The following MYO16 variants were observed in gnomAD, a reference collection of about 807,000 sequenced individuals.
MYO16 encodes the protein myosin XVI.
Under a neutral mutation model 205.3 loss-of-function variants are expected in MYO16, and 94 were observed. The ratio of observed to expected loss-of-function variants is 0.46; its 90% confidence interval spans 0.39 to 0.54. The LOEUF (loss-of-function observed/expected upper bound fraction) is 0.54, where lower values mean the gene tolerates loss of function less well. Among genes scored for constraint, MYO16 ranks in the 20% least tolerant of loss-of-function variants. The probability of loss-of-function intolerance (pLI) is 0.00; values close to 1 mark genes in which losing one functional copy is unlikely to be tolerated. For synonymous variants in MYO16, 988 were observed against 954.0 expected (o/e 1.04, Z -0.66); for missense variants, 2,315 against 2,387.5 (o/e 0.97, Z 0.63).
chr13:108,584,860 A>G, the MYO16 span, among the ~76,000 whole-genome samples: 164 of 152,362 alleles, frequency 1.1e-3, 2 homozygotes, highest in East Asian at 0.029. Flanking sequence ...TTTTTACAGA[A>G]TAATTATAAA....
At chr13:108,754,257 A>AGTAGCATGAAAGACAAGCT (rs1885348632) in intron 4 of MYO16, among the ~76,000 whole-genome samples, 1 of 150,948 alleles carries the variant, frequency 6.6e-6, no homozygotes, top group Admixed American at 6.6e-5. Context: ...CAGGACAAGC[A>AGTAGCATGAAAGACAAGCT]GTAGCATGAA....
At chr13:108,959,200 C>T (rs1478605380) in intron 17 of MYO16, among the ~76,000 whole-genome samples, 1 of 152,162 alleles carries the variant, frequency 6.6e-6, no homozygotes, top group African/African-American at 2.4e-5. Flanking sequence ...CTTTTTGGCT[C>T]TGATTACCCG....
the MYO16 span, among the ~76,000 whole-genome samples, chr13:108,509,464 T>C: frequency 6.6e-6 from 1 of 152,230 alleles, no homozygotes; most frequent in African/African-American, 2.4e-5. Flanking sequence ...GACTGTCGGA[T>C]TGTGTATACA....
the MYO16 span, among the ~76,000 whole-genome samples, chr13:108,518,734 G>C: frequency 6.6e-6 from 1 of 152,152 alleles, no homozygotes. Flanking sequence ...TAAAAAAAAT[G>C]TTGGGCAAAA....
chr13:109,062,147 A>C (rs1393018427), intron 27 of MYO16, among the ~76,000 whole-genome samples: 2 of 152,200 alleles, frequency 1.3e-5, no homozygotes, highest in Non-Finnish European at 2.9e-5. Context: ...TATATTTCCA[A>C]GTCAGTTTTA....
chr13:108,564,599 T>C, the MYO16 span, among the ~76,000 whole-genome samples: 1 of 152,198 alleles, frequency 6.6e-6, no homozygotes, highest in Admixed American at 6.5e-5. Flanking sequence ...ATTCTATGGG[T>C]TGTCTCTCCA....
intron 2 of MYO16, among the ~76,000 whole-genome samples, chr13:108,666,436 A>G (rs1594190768): frequency 6.6e-6 from 1 of 151,774 alleles, no homozygotes. Context: ...TTCCTTTCCA[A>G]TTGTTTAATT....
the MYO16 span, among the ~76,000 whole-genome samples, chr13:108,540,236 A>C: frequency 6.6e-6 from 1 of 152,300 alleles, no homozygotes; most frequent in African/African-American, 2.4e-5. Context: ...TATTCATGCC[A>C]TGAGCAATGT....
chr13:108,782,685 C>T (rs1049330565), intron 4 of MYO16, among the ~76,000 whole-genome samples: 2 of 152,238 alleles, frequency 1.3e-5, no homozygotes, highest in East Asian at 1.9e-4. Flanking sequence ...TTTCATGGGC[C>T]AGGCACAGGG....
intron 2 of MYO16, among the ~76,000 whole-genome samples, chr13:108,676,372 C>CGTGTGTGTGTGTGTGT (rs35790433): frequency 1.6e-4 from 21 of 131,758 alleles, no homozygotes; most frequent in South Asian, 5.1e-4. Context: ...TATATGTACG[C>CGTGTGTGTGTGTGTGT]GTGTGTGTGT....
intron 14 of MYO16, among the ~76,000 whole-genome samples, chr13:108,896,083 A>G (rs1880399970): frequency 6.6e-6 from 1 of 152,084 alleles, no homozygotes; most frequent in Non-Finnish European, 1.5e-5. Context: ...GCATTTAACC[A>G]TTTCCCTATA....
chr13:109,004,993 A>T (rs74882726), intron 21 of MYO16, among the ~76,000 whole-genome samples: 6,431 of 152,322 alleles, frequency 0.042, 204 homozygotes, highest in Non-Finnish European at 0.065. Context: ...TTAAAGGTTT[A>T]AAAGGTAAAG....
chr13:108,836,817 C>T (rs1230869667), intron 9 of MYO16, among the ~76,000 whole-genome samples: 3 of 152,122 alleles, frequency 2.0e-5, no homozygotes, highest in Non-Finnish European at 4.4e-5. Flanking sequence ...GGGTTATTTA[C>T]CCAATGCCTG....
intron 4 of MYO16, among the ~76,000 whole-genome samples, chr13:108,770,659 T>C (rs1209797118): frequency 1.3e-5 from 2 of 152,180 alleles, no homozygotes; most frequent in African/African-American, 4.8e-5. Context: ...ACTGAGGAAA[T>C]AATGTATTTA....
chr13:108,594,439 A>G (rs1329525626), upstream of MYO16, among the ~76,000 whole-genome samples: 2 of 152,064 alleles, frequency 1.3e-5, no homozygotes, highest in African/African-American at 4.8e-5. Flanking sequence ...CTCCTTCACA[A>G]TGCCTGCTTC....
chr13:108,938,612 TG>T (rs1882591263), intron 16 of MYO16, among the ~76,000 whole-genome samples: 1 of 152,216 alleles, frequency 6.6e-6, no homozygotes, highest in African/African-American at 2.4e-5. Context: ...TCCAGATGCC[TG>T]GAGATCTGCC....
intron 16 of MYO16, among the ~76,000 whole-genome samples, chr13:108,940,700 G>A (rs954369996): frequency 3.3e-5 from 5 of 152,286 alleles, no homozygotes; most frequent in Admixed American, 2.0e-4. Context: ...GGATTAAAAA[G>A]CAAGTCTTTA....
chr13:109,187,751 A>C (rs905294728), intron 34 of MYO16, among the ~76,000 whole-genome samples: 2 of 152,340 alleles, frequency 1.3e-5, no homozygotes, highest in Middle Eastern at 3.4e-3. Context: ...AAATGTACTA[A>C]AATGTTTTTA....
rs1888419398 is a variant in MYO16 at position 109,085,726 on chromosome 13, A to G, written c.3336-15059A>G. Among the ~76,000 whole-genome samples, 2 of 152,206 alleles carry G rather than the reference A, an allele frequency of 1.3e-5. 1 individual carries two copies. The highest frequency in any genetic ancestry group is 3.8e-4 in the East Asian group (2 of 5,196). On this transcript the variant is annotated intron_variant, in intron 27 of 34. Coordinates refer to ENST00000457511, the MANE Select transcript of MYO16 (RefSeq NM_001198950.3). Reference sequence around the variant, plus strand: ...CCAAGAAGCAGATGCTGAGGAGCACATACGCTTAGTGGGAGTGTGGACAGA... The same window carrying G: ...CCAAGAAGCAGATGCTGAGGAGCACGTACGCTTAGTGGGAGTGTGGACAGA...
Sources: allele counts gnomAD v4.1 joint callset (sites outside exome capture counted in the v4.1 genomes callset), GRCh38; gene constraint gnomAD v4.1.1; transcripts MANE v1.5; gene names NCBI Gene and HGNC (gene_info 2026-07-23, HGNC 2026-07-21).